The following GREB1L variants were observed in gnomAD, a reference collection of about 807,000 sequenced individuals.
The protein encoded by GREB1L is GREB1 like retinoic acid receptor coactivator.
In GREB1L, 17 loss-of-function variants were observed where a neutral mutation model predicts 200.8. That is an observed-to-expected ratio of 0.08 (90% CI 0.06 to 0.13). GREB1L has a LOEUF of 0.13. Ranked by LOEUF, GREB1L falls within the 10% of genes least tolerant of loss-of-function variation. The pLI, the probability that GREB1L is intolerant of heterozygous loss-of-function variation, is 1.00. For synonymous variants in GREB1L, 789 were observed against 893.0 expected, an observed-to-expected ratio of 0.88 and a Z score of 2.08; for missense variants, 1,657 against 2,367.7, an observed-to-expected ratio of 0.70 and a Z score of 6.23.
intron 15 of GREB1L, among the ~76,000 whole-genome samples, chr18:21,455,566 C>T (rs1307783354): frequency 6.6e-6 from 1 of 151,840 alleles, no homozygotes; most frequent in Admixed American, 6.6e-5. Context: ...GCCTGTTATC[C>T]CAGCTACTTG....
At chr18:21,468,941 A>G in intron 15 of GREB1L, 2 of 359,616 alleles carry the variant, frequency 5.6e-6, no homozygotes, top group East Asian at 1.5e-4. Flanking sequence ...TCATTGCATC[A>G]TGTCAGGGAG....
rs1038861551 is a variant in GREB1L, at chr18:21,523,565, A to G, written c.*744A>G. On this transcript the variant is annotated 3_prime_UTR_variant, in exon 33 of 33. Transcript: ENST00000424526. ...TTAAATGTGTTTCCAGTCTTTAAGAATATCTTATCTATGAGACTATGGAAC... is the reference window on the plus strand; with the variant it reads ...TTAAATGTGTTTCCAGTCTTTAAGAGTATCTTATCTATGAGACTATGGAAC... 2 of 152,216 alleles carry G rather than the reference A, an allele frequency of 1.3e-5. No individual in the cohort carries two copies. Among genetic ancestry groups the G allele is most frequent in the African/African-American group, 2.4e-5 (1 of 41,448 alleles). 9.4% of individuals were successfully genotyped at this position (152,216 alleles called of 1,614,324 possible). A position where few individuals can be genotyped will look rare whatever the true frequency, so the allele number is the denominator to read the frequency against.
At chr18:21,291,645 C>T (rs905177006) in intron 1 of GREB1L, among the ~76,000 whole-genome samples, 1 of 152,204 alleles carries the variant, frequency 6.6e-6, no homozygotes, top group Admixed American at 6.5e-5. Context: ...TATTAAAAAG[C>T]ATACTGAAAT....
chr18:21,439,108 A>G (rs945376194), intron 7 of GREB1L, among the ~76,000 whole-genome samples: 39 of 152,142 alleles, frequency 2.6e-4, no homozygotes, highest in African/African-American at 8.4e-4. Flanking sequence ...GGGTATAGAT[A>G]AAGCAAGATG....
intron 30 of GREB1L, among the ~76,000 whole-genome samples, 174 bp downstream of exon 30, chr18:21,516,928 C>T (rs2037441186): frequency 7.0e-6 from 1 of 143,746 alleles, no homozygotes; most frequent in African/African-American, 2.6e-5. Flanking sequence ...GGATGGAGAG[C>T]AGTGGCGTGA....
At chr18:21,519,009 C>T (rs923316960) in intron 31 of GREB1L, among the ~76,000 whole-genome samples, 3 of 152,120 alleles carry the variant, frequency 2.0e-5, no homozygotes, top group Admixed American at 6.6e-5. Context: ...CATACACGTA[C>T]TCTTTTAACG....
chr18:21,420,582 A>C (rs2032069646), intron 7 of GREB1L, among the ~76,000 whole-genome samples: 1 of 152,232 alleles, frequency 6.6e-6, no homozygotes. Context: ...TGCAAATTTA[A>C]ATAACAATGA....
intron 1 of GREB1L, among the ~76,000 whole-genome samples, chr18:21,305,912 A>G (rs908632674): frequency 6.6e-5 from 10 of 152,126 alleles, no homozygotes; most frequent in Admixed American, 2.0e-4. Context: ...AGATCTTCAC[A>G]TGGCTGACTT....
rs55641891 is a variant in GREB1L at position 21,525,012 on chromosome 18, G to GTGTACA, written c.*2192_*2193insGTACAT. 1 of 145,122 alleles carries GTGTACA rather than the reference G, an allele frequency of 6.9e-6. No individual in the cohort carries two copies. Among genetic ancestry groups the GTGTACA allele is most frequent in the African/African-American group, 2.5e-5 (1 of 40,128 alleles). 9.0% of individuals were successfully genotyped at this position (145,122 alleles called of 1,614,324 possible). ...AAGCACAGGACACCATGATTTGTGT[G>GTGTACA]TATATATATATATATCCTAGTGTGT... On this transcript the variant is annotated 3_prime_UTR_variant, in exon 33 of 33. Transcript: ENST00000424526.
At chr18:21,245,580 A>G (rs1321187532) in intron 1 of GREB1L, among the ~76,000 whole-genome samples, 2 of 152,174 alleles carry the variant, frequency 1.3e-5, no homozygotes, top group Non-Finnish European at 2.9e-5. Flanking sequence ...TTTTTTCTAT[A>G]GCTTACTTCC....
At chr18:21,477,121 T>C (rs1301556584) in intron 16 of GREB1L, 43 bp from the exon 17 acceptor site, 2 of 1,304,380 alleles carry the variant, frequency 1.5e-6, no homozygotes, top group Admixed American at 4.2e-5. Context: ...CTATATCTAC[T>C]TGGTTAAATG....
At chr18:21,406,064 A>G (rs2030185682) in intron 7 of GREB1L, among the ~76,000 whole-genome samples, 1 of 151,722 alleles carries the variant, frequency 6.6e-6, no homozygotes, top group South Asian at 2.1e-4. Context: ...TGTCTAAAAA[A>G]AAAAAAAAAA....
intron 18 of GREB1L, among the ~76,000 whole-genome samples, chr18:21,486,066 C>T (rs553848898): frequency 2.8e-4 from 42 of 152,232 alleles, no homozygotes; most frequent in African/African-American, 9.6e-4. Flanking sequence ...ATTCAAGACC[C>T]GCTTCTGGCT....
At chr18:21,423,111 A>G (rs1268856409) in intron 7 of GREB1L, among the ~76,000 whole-genome samples, 1 of 152,038 alleles carries the variant, frequency 6.6e-6, no homozygotes, top group Non-Finnish European at 1.5e-5. Context: ...TTGTATTTTT[A>G]GTAGAGACGG....
intron 1 of GREB1L, among the ~76,000 whole-genome samples, chr18:21,280,635 A>G (rs1457705053): frequency 1.3e-5 from 2 of 152,164 alleles, no homozygotes; most frequent in Non-Finnish European, 2.9e-5. Flanking sequence ...TCTCGAATGT[A>G]TTAATGAAAT....
intron 1 of GREB1L, among the ~76,000 whole-genome samples, chr18:21,347,047 C>T (rs2039356421): frequency 6.6e-6 from 1 of 152,098 alleles, no homozygotes; most frequent in African/African-American, 2.4e-5. Context: ...TCCTATTTGA[C>T]TTCTCCTACC....
At chr18:21,478,506 A>G (rs536970745) in intron 17 of GREB1L, among the ~76,000 whole-genome samples, 2 of 152,342 alleles carry the variant, frequency 1.3e-5, no homozygotes, top group East Asian at 3.9e-4. Flanking sequence ...TTATTTTTCA[A>G]CCCAGTGCAT....
At chr18:21,300,536 T>A (rs1025384048) in intron 1 of GREB1L, among the ~76,000 whole-genome samples, 2 of 152,182 alleles carry the variant, frequency 1.3e-5, no homozygotes, top group Non-Finnish European at 2.9e-5. Context: ...TCTCTAAACA[T>A]TCTCTTTTGA....
chr18:21,441,810 C>T (rs771990630), intron 10 of GREB1L, among the ~76,000 whole-genome samples: 7 of 152,224 alleles, frequency 4.6e-5, no homozygotes, highest in Middle Eastern at 3.4e-3. Flanking sequence ...AACACATGGG[C>T]GATACCATTA....
Sources: gnomAD v4.1 joint callset for allele counts (sites outside exome capture counted in the v4.1 genomes callset) on GRCh38, gnomAD v4.1.1 for gene constraint, MANE v1.5 for transcripts, NCBI Gene and HGNC (gene_info 2026-07-23, HGNC 2026-07-21) for gene names.